Variants in PCDHA4 observed in about 807,000 individuals in gnomAD.
PCDHA4 encodes protocadherin alpha 4, also known as protocadherin alpha-4.
PCDHA4 carries 49 observed loss-of-function variants against 61.4 expected under a neutral mutation model. The ratio of observed to expected loss-of-function variants is 0.80; its 90% CI spans 0.63 to 1.01. The LOEUF (loss-of-function observed/expected upper bound fraction) is 1.01, where lower values mean the gene tolerates loss of function less well. PCDHA4 is among the 50% of genes least tolerant of loss of function. The probability of loss-of-function intolerance (pLI) is 0.00; values close to 1 mark genes in which losing one functional copy is unlikely to be tolerated. For synonymous variants in PCDHA4, 590 were observed against 550.3 expected (o/e 1.07, Z -1.01); for missense variants, 1,254 against 1,235.8 (o/e 1.01, Z -0.22).
Position 140,841,177 on chromosome 5 carries a change from T to C in PCDHA4, c.2385+31605T>C, listed in dbSNP as rs1485843958. 5 of 1,089,016 alleles carry C rather than the reference T, an allele frequency of 4.6e-6. No homozygotes were observed. The East Asian group carries it at 7.7e-5, about 17-fold the overall frequency. 67.5% of individuals were successfully genotyped at this position (1,089,016 alleles called of 1,614,324 possible). ...CTACCAAGAAGTTCTGGTTGGTCAA[T>C]GTTCAAAGTCTTTTCTCTGACAGCA... On this transcript the variant is annotated intron_variant, in intron 1 of 3. Coordinates refer to ENST00000530339, the MANE Select transcript of PCDHA4 (RefSeq NM_018907.4).
chr5:140,988,739 G>A (rs2097310931), intron 3 of PCDHA4, among the ~76,000 whole-genome samples: 1 of 152,096 alleles, frequency 6.6e-6, no homozygotes, highest in Non-Finnish European at 1.5e-5. Flanking sequence ...AATTATTCTA[G>A]GATTGGTGGC....
At chr5:140,870,839 T>C (rs1358609489) in intron 1 of PCDHA4, 3 of 1,613,690 alleles carry the variant, frequency 1.9e-6, no homozygotes, top group South Asian at 1.1e-5. Flanking sequence ...GTTAACAAGC[T>C]AGTACCGCGG....
intron 1 of PCDHA4, among the ~76,000 whole-genome samples, chr5:140,944,520 T>G (rs1554216391): frequency 6.6e-6 from 1 of 152,140 alleles, no homozygotes; most frequent in Non-Finnish European, 1.5e-5. Flanking sequence ...TATTTTGTGC[T>G]TTAAATGATT....
At chr5:140,857,501 G>A in intron 1 of PCDHA4, 1 of 1,598,358 alleles carries the variant, frequency 6.3e-7, no homozygotes, top group Non-Finnish European at 8.6e-7. Context: ...GGACGCGCAG[G>A]AGAACGCCCT....
At chr5:140,858,775 A>C (rs2045585315) in intron 1 of PCDHA4, 2 of 422,450 alleles carry the variant, frequency 4.7e-6, no homozygotes, top group Non-Finnish European at 8.6e-6. Context: ...TGAGATTAGT[A>C]CTTCATGTTA....
Position 140,968,026 on chromosome 5 carries a change from A to G in PCDHA4, c.2386-10923A>G, listed in dbSNP as rs570318168. 9.3e-6 allele frequency: 15 copies of G among 1,614,066 alleles called. No individual in the cohort carries two copies. In the Admixed American group the frequency reaches 1.8e-4, roughly 20 times the overall value. On this transcript the variant is annotated intron_variant, in intron 1 of 3. Transcript: ENST00000530339. ...TGAATGGCTTTGGAAACTCCTATACACTGGTGGTGAGCGGCCCACTGGACC... is the reference window on the plus strand; with the variant it reads ...TGAATGGCTTTGGAAACTCCTATACGCTGGTGGTGAGCGGCCCACTGGACC...
chr5:140,973,384 CAAAG>C (rs1250756648), intron 1 of PCDHA4, among the ~76,000 whole-genome samples: 4 of 152,194 alleles, frequency 2.6e-5, no homozygotes, highest in Non-Finnish European at 5.9e-5. Context: ...TCAGAATAGA[CAAAG>C]AAATCATATC....
At chr5:140,931,323 T>A (rs912582961) in intron 1 of PCDHA4, among the ~76,000 whole-genome samples, 1 of 152,110 alleles carries the variant, frequency 6.6e-6, no homozygotes, top group Non-Finnish European at 1.5e-5. Context: ...CAGTAATGGC[T>A]GTAAAGTTTG....
chr5:140,938,176 G>A (rs1554212021), intron 1 of PCDHA4, among the ~76,000 whole-genome samples: 1 of 152,088 alleles, frequency 6.6e-6, no homozygotes, highest in Non-Finnish European at 1.5e-5. Flanking sequence ...GAGCTCCTGG[G>A]CTCAAGCAAT....
At chr5:140,970,960 G>T (rs3776114) in intron 1 of PCDHA4, among the ~76,000 whole-genome samples, 54,597 of 152,034 alleles carry the variant, frequency 0.36, 10,036 homozygotes, top group Admixed American at 0.46. Context: ...ATGGGAGGCA[G>T]ATTGTAGATT....
intron 1 of PCDHA4, chr5:140,877,520 C>T (rs2057180531): frequency 6.2e-7 from 1 of 1,613,784 alleles, no homozygotes; most frequent in Non-Finnish European, 8.5e-7. Context: ...TCGCGGGCCT[C>T]AGTGGGCGCT....
intron 1 of PCDHA4, chr5:140,875,542 T>A: frequency 6.2e-7 from 1 of 1,614,134 alleles, no homozygotes; most frequent in Non-Finnish European, 8.5e-7. Flanking sequence ...CCTTGCAGCC[T>A]GGGAGGTGGG....
chr5:140,858,275 G>C (rs2045316714), intron 1 of PCDHA4: 2 of 1,597,458 alleles, frequency 1.3e-6, no homozygotes, highest in African/African-American at 1.3e-5. Context: ...CTCTAGCGCG[G>C]TGGGGAGCTG....
At chr5:140,991,298 A>G (rs555776023) in intron 3 of PCDHA4, among the ~76,000 whole-genome samples, 1 of 152,288 alleles carries the variant, frequency 6.6e-6, no homozygotes, top group Non-Finnish European at 1.5e-5. Context: ...ACACATTACT[A>G]TTATCTTGTC....
intron 1 of PCDHA4, chr5:140,967,098 G>C: frequency 6.2e-7 from 1 of 1,613,130 alleles, no homozygotes; most frequent in Non-Finnish European, 8.5e-7. Flanking sequence ...GAGGCGCTGT[G>C]TGAGCAGCGG....
intron 1 of PCDHA4, chr5:140,835,619 T>C: frequency 1.2e-6 from 2 of 1,613,890 alleles, no homozygotes; most frequent in African/African-American, 1.3e-5. Flanking sequence ...TGGACAGCGC[T>C]CTGGACCGCG....
chr5:140,829,425 T>G (rs2150167679), intron 1 of PCDHA4: 1 of 1,613,952 alleles, frequency 6.2e-7, no homozygotes, highest in South Asian at 1.1e-5. Flanking sequence ...TCTGTGGAGG[T>G]GGCCGACATG....
Position 140,858,605 on chromosome 5 carries a change from T to A in PCDHA4, c.2385+49033T>A, listed in dbSNP as rs553423419. On this transcript the variant is annotated intron_variant, in intron 1 of 3. Coordinates refer to ENST00000530339, the MANE Select transcript of PCDHA4 (RefSeq NM_018907.4). ...ATAATTTATTCCAGGAGTTTTAAAA[T>A]TTTTTTATCCTACCCAGTGTGTCAG... 1.7e-5 allele frequency: 21 copies of A among 1,265,750 alleles called. 2 individuals are homozygous for A. Among genetic ancestry groups the A allele is most frequent in the African/African-American group, 1.5e-4 (10 of 66,840 alleles). 78.4% of individuals were successfully genotyped at this position (1,265,750 alleles called of 1,614,324 possible).
At chr5:140,970,408 A>G (rs1292683019) in intron 1 of PCDHA4, among the ~76,000 whole-genome samples, 1 of 152,202 alleles carries the variant, frequency 6.6e-6, no homozygotes, top group Admixed American at 6.5e-5. Context: ...GGCTTACCCT[A>G]CAGTAAGGTG....
Sources: gnomAD v4.1 joint callset for allele counts (sites outside exome capture counted in the v4.1 genomes callset) on GRCh38, gnomAD v4.1.1 for gene constraint, MANE v1.5 for transcripts, NCBI Gene and HGNC (gene_info 2026-07-23, HGNC 2026-07-21) for gene names.